ANKFN1: variants seen among roughly 807,000 people sequenced by gnomAD.
The protein encoded by ANKFN1 is ankyrin repeat and fibronectin type-III domain-containing protein 1.
In ANKFN1, 74 loss-of-function variants were observed where a neutral mutation model predicts 108.7. The ratio of observed to expected loss-of-function variants is 0.68; its 90% CI spans 0.56 to 0.83. The LOEUF (loss-of-function observed/expected upper bound fraction) is 0.83. ANKFN1 is among the 40% of genes least tolerant of loss of function. The probability of loss-of-function intolerance (pLI) is 0.00; values close to 1 mark genes in which losing one functional copy is unlikely to be tolerated. For synonymous variants in ANKFN1, 547 were observed against 516.2 expected, an observed-to-expected ratio of 1.06 and a Z score of -0.81; for missense variants, 1,505 against 1,382.3, an observed-to-expected ratio of 1.09 and a Z score of -1.41.
At chr17:56,105,977 C>T (rs1009105781) in intron 4 of ANKFN1, among the ~76,000 whole-genome samples, 3 of 152,018 alleles carry the variant, frequency 2.0e-5, no homozygotes, top group African/African-American at 7.3e-5. Flanking sequence ...CAAAGAATGG[C>T]CTGGCCCAAA....
intron 4 of ANKFN1, among the ~76,000 whole-genome samples, chr17:56,059,997 T>C (rs556483469): frequency 3.3e-5 from 5 of 152,360 alleles, no homozygotes; most frequent in African/African-American, 4.8e-5. Flanking sequence ...AGGAATAGCA[T>C]TGAATCTATA....
chr17:56,406,570 C>T (rs962384463), intron 8 of ANKFN1, among the ~76,000 whole-genome samples: 1 of 151,928 alleles, frequency 6.6e-6, no homozygotes, highest in African/African-American at 2.4e-5. Context: ...AACCATAAAC[C>T]CTCTCTCTTT....
chr17:56,298,646 A>T (rs1240413891), intron 3 of ANKFN1, among the ~76,000 whole-genome samples: 1 of 152,058 alleles, frequency 6.6e-6, no homozygotes, highest in Non-Finnish European at 1.5e-5. Context: ...GAAACAAGCA[A>T]ATAGTTGTTT....
chr17:56,197,772 G>T (rs1189026805), intron 1 of ANKFN1, among the ~76,000 whole-genome samples: 4 of 152,224 alleles, frequency 2.6e-5, no homozygotes, highest in Non-Finnish European at 5.9e-5. Flanking sequence ...TACATCCAAA[G>T]ATCAGCTAAA....
In ANKFN1 at chr17:56,513,097, C is replaced by T. The variant is rs1480828246; in HGVS notation, c.*1828C>T. Among the ~76,000 whole-genome samples, 3 of 152,194 alleles carry T rather than the reference C, an allele frequency of 2.0e-5. No individual in the cohort carries two copies. Among genetic ancestry groups the T allele is most frequent in the Admixed American group, 6.5e-5 (1 of 15,288 alleles). Reference sequence around the variant, plus strand: ...ATTAAGACCCAGAGAGGTTAAGTAACATGCTCAAGGTCACGGAGCTGGTTT... The same window carrying T: ...ATTAAGACCCAGAGAGGTTAAGTAATATGCTCAAGGTCACGGAGCTGGTTT... On this transcript the variant is annotated 3_prime_UTR_variant, in exon 21 of 21. Coordinates refer to ENST00000682825, the MANE Select transcript of ANKFN1 (RefSeq NM_001370326.1).
intron 4 of ANKFN1, among the ~76,000 whole-genome samples, chr17:56,341,071 A>T (rs989530843): frequency 1.3e-5 from 2 of 152,022 alleles, no homozygotes; most frequent in East Asian, 1.9e-4. Context: ...GACAGTTGTG[A>T]ATGGGAGTAG....
intron 4 of ANKFN1, among the ~76,000 whole-genome samples, chr17:56,049,646 G>A (rs1904740127): frequency 6.6e-6 from 1 of 151,016 alleles, no homozygotes; most frequent in Non-Finnish European, 1.5e-5. Context: ...GCAGTGTTTG[G>A]TTTTTTGTTC....
At chr17:56,297,459 A>T (rs181827804) in intron 3 of ANKFN1, among the ~76,000 whole-genome samples, 12 of 152,294 alleles carry the variant, frequency 7.9e-5, no homozygotes, top group Admixed American at 7.2e-4. Context: ...GTCTCTTTGG[A>T]ACCAAAGGTT....
intron 15 of ANKFN1, chr17:56,473,647 C>CAAAAAAAA: frequency 2.1e-5 from 1 of 47,804 alleles, no homozygotes; most frequent in Non-Finnish European, 4.6e-5. Context: ...GACTCCGTCT[C>CAAAAAAAA]AAAAAAAAAA....
rs545246382 is a variant in ANKFN1 at position 56,451,991 on chromosome 17, T to C, written c.1207+2805T>C. Reference sequence around the variant, plus strand: ...GCTAAAGAACTGGCCAAAGCTGATCTGCATGCTTAGTATTGGGATGAAAAT... The same window carrying C: ...GCTAAAGAACTGGCCAAAGCTGATCCGCATGCTTAGTATTGGGATGAAAAT... On this transcript the variant is annotated intron_variant, in intron 11 of 20. Transcript: ENST00000682825. 2.3e-3 allele frequency among the ~76,000 whole-genome samples: 358 copies of C among 152,344 alleles called. 1 individual carries two copies. The highest frequency in any genetic ancestry group is 7.7e-3 in the African/African-American group (319 of 41,590).
intron 8 of ANKFN1, among the ~76,000 whole-genome samples, chr17:56,384,529 A>G (rs376755801): frequency 2.0e-5 from 3 of 151,972 alleles, no homozygotes; most frequent in Non-Finnish European, 4.4e-5. Flanking sequence ...AAAAGAGGAA[A>G]TCAAATTGTC....
chr17:56,333,959 G>A (rs1015262763), intron 4 of ANKFN1, among the ~76,000 whole-genome samples: 6 of 151,952 alleles, frequency 3.9e-5, no homozygotes, highest in African/African-American at 1.5e-4. Context: ...TTTGGAACTC[G>A]GGTCCCCTAC....
intron 4 of ANKFN1, among the ~76,000 whole-genome samples, chr17:56,102,567 A>G (rs1214804944): frequency 6.6e-6 from 1 of 152,146 alleles, no homozygotes; most frequent in African/African-American, 2.4e-5. Context: ...GTGGCTCTCA[A>G]ACAGGGACAA....
intron 8 of ANKFN1, among the ~76,000 whole-genome samples, chr17:56,403,454 C>T (rs1015628776): frequency 6.6e-6 from 1 of 151,480 alleles, no homozygotes; most frequent in Non-Finnish European, 1.5e-5. Context: ...ATATAATGTC[C>T]CTCTTTGAGA....
intron 4 of ANKFN1, among the ~76,000 whole-genome samples, chr17:56,115,840 A>G (rs1486826630): frequency 6.6e-6 from 1 of 152,148 alleles, no homozygotes. Flanking sequence ...TAGCAAGCAG[A>G]GTTCTGGTTC....
chr17:56,147,254 G>C (rs1431984074), intron 4 of ANKFN1, among the ~76,000 whole-genome samples: 2 of 152,096 alleles, frequency 1.3e-5, no homozygotes, highest in African/African-American at 4.8e-5. Context: ...CTTCCAAACT[G>C]TTCCAGCCTC....
At position 56,339,497 on chromosome 17, in the gene ANKFN1, T is replaced by TC. The variant is rs201704687; in HGVS notation, c.189-11265dup. Among the ~76,000 whole-genome samples, 1,516 of 152,264 alleles carry TC rather than the reference T, an allele frequency of 1.0e-2. 21 individuals are homozygous for TC. Among genetic ancestry groups the TC allele is most frequent in the African/African-American group, 0.034 (1,405 of 41,560 alleles). On this transcript the variant is annotated intron_variant, in intron 4 of 20. Transcript: ENST00000682825. ...TCTGAAAGGCCCCAGTATCTCTTGTTCCCCTCTATGTGTCCATGTGTTATC... is the reference window on the plus strand; with the variant it reads ...TCTGAAAGGCCCCAGTATCTCTTGTTCCCCCTCTATGTGTCCATGTGTTATC...
chr17:56,150,437 C>A (rs1269503337), upstream of ANKFN1, among the ~76,000 whole-genome samples: 1 of 152,162 alleles, frequency 6.6e-6, no homozygotes, highest in Non-Finnish European at 1.5e-5. Flanking sequence ...CTCCACCACT[C>A]TTTATTACCT....
chr17:56,068,415 T>C (rs1309004904), intron 4 of ANKFN1, among the ~76,000 whole-genome samples: 1 of 152,164 alleles, frequency 6.6e-6, no homozygotes, highest in African/African-American at 2.4e-5. Flanking sequence ...ATAAGAGTGC[T>C]CTAGGTAGAG....
Sources: allele counts gnomAD v4.1 joint callset (sites outside exome capture counted in the v4.1 genomes callset), GRCh38; gene constraint gnomAD v4.1.1; transcripts MANE v1.5; gene names NCBI Gene and HGNC (gene_info 2026-07-23, HGNC 2026-07-21).